DNAH11: variants seen among roughly 807,000 people sequenced by gnomAD.
DNAH11 encodes the protein dynein axonemal heavy chain 11, also known as axonemal beta dynein heavy chain 11.
In DNAH11, 442 loss-of-function variants were observed where a neutral mutation model predicts 526.0. The ratio of observed to expected loss-of-function variants is 0.84; its 90% confidence interval spans 0.78 to 0.91. The LOEUF (loss-of-function observed/expected upper bound fraction) is 0.91. Among genes scored for constraint, DNAH11 ranks in the 40% least tolerant of loss-of-function variants. The probability of loss-of-function intolerance (pLI) is 0.00; values close to 1 mark genes in which losing one functional copy is unlikely to be tolerated. For synonymous variants in DNAH11, 2,461 were observed against 1,935.9 expected (o/e 1.27, Z -7.12); for missense variants, 6,989 against 5,448.7 (o/e 1.28, Z -8.90).
intron 30 of DNAH11, among the ~76,000 whole-genome samples, chr7:21,669,418 G>A (rs1782550384): frequency 6.6e-6 from 1 of 152,190 alleles, no homozygotes; most frequent in South Asian, 2.1e-4. Flanking sequence ...TGATCCTCCT[G>A]CCTCGGCCTC....
chr7:21,800,159 C>T (rs1184159149), intron 61 of DNAH11, among the ~76,000 whole-genome samples: 1 of 152,204 alleles, frequency 6.6e-6, no homozygotes, highest in Non-Finnish European at 1.5e-5. Flanking sequence ...CATCTTGCTT[C>T]TCTTTTACAT....
At position 21,616,302 on chromosome 7, in the gene DNAH11, A is replaced by C; in HGVS notation, c.4095+10A>C. ...CAGAAGGTTTGCCAAGGCGAGTTCCATAACTGTCTATTACAACAATTTATC... is the reference window on the plus strand; with the variant it reads ...CAGAAGGTTTGCCAAGGCGAGTTCCCTAACTGTCTATTACAACAATTTATC... On this transcript the variant is annotated intron_variant, in intron 22 of 81. Transcript: ENST00000409508. 1 of 1,604,234 alleles carries C rather than the reference A, an allele frequency of 6.2e-7. No homozygotes were observed. The highest frequency in any genetic ancestry group is 8.5e-7 in the Non-Finnish European group (1 of 1,172,796).
At chr7:21,696,620 G>T (rs1017423360) in intron 35 of DNAH11, among the ~76,000 whole-genome samples, 1 of 152,084 alleles carries the variant, frequency 6.6e-6, no homozygotes, top group South Asian at 2.1e-4. Context: ...ATTTGAAATT[G>T]TCTTGTGAAT....
At chr7:21,600,564 A>T in intron 15 of DNAH11, 112 bp from the exon 16 acceptor site, 1 of 1,214,384 alleles carries the variant, frequency 8.2e-7, no homozygotes, top group Non-Finnish European at 1.1e-6. Flanking sequence ...ATGATTTTTA[A>T]TTTTTCTAAC....
At chr7:21,583,417 C>A (rs1300507251) in intron 9 of DNAH11, among the ~76,000 whole-genome samples, 6 of 152,178 alleles carry the variant, frequency 3.9e-5, no homozygotes, top group Non-Finnish European at 8.8e-5. Context: ...CTCTTCCTTA[C>A]ACCTTATAGA....
intron 12 of DNAH11, among the ~76,000 whole-genome samples, chr7:21,590,266 G>A (rs1272271622): frequency 6.6e-6 from 1 of 152,044 alleles, no homozygotes; most frequent in Admixed American, 6.6e-5. Context: ...TTAAACAAAC[G>A]ATCTCCAAGT....
intron 25 of DNAH11, among the ~76,000 whole-genome samples, chr7:21,625,548 G>A (rs1786289981): frequency 6.6e-6 from 1 of 151,818 alleles, no homozygotes; most frequent in Non-Finnish European, 1.5e-5. Flanking sequence ...ATTGATTGTG[G>A]GCTTAGTTTG....
In DNAH11 at chr7:21,868,120, T is replaced by A. The variant is rs1165044967; in HGVS notation, c.11839+113T>A. ...TCTTAGTTTCTTTTTTTTTTTTTTT[T>A]AATTTGTTGAAGATTGGGTGTATGG... On this transcript the variant is annotated intron_variant, in intron 72 of 81. Coordinates refer to ENST00000409508, the MANE Select transcript of DNAH11 (RefSeq NM_001277115.2). 11 of 1,055,142 alleles carry A rather than the reference T, an allele frequency of 1.0e-5. No individual in the cohort carries two copies. In the African/African-American group the frequency reaches 1.7e-4, roughly 16 times the overall value. The allele number at this position is 1,055,142 out of a possible 1,614,324, so 65.4% of individuals were successfully genotyped here.
chr7:21,878,124 T>A (rs1783788663), intron 74 of DNAH11, among the ~76,000 whole-genome samples: 1 of 152,200 alleles, frequency 6.6e-6, no homozygotes, highest in African/African-American at 2.4e-5. Context: ...CTGTATTTTT[T>A]AAATATTTCC....
intron 12 of DNAH11, among the ~76,000 whole-genome samples, chr7:21,589,733 C>G (rs992405388): frequency 3.9e-5 from 6 of 152,078 alleles, no homozygotes; most frequent in Non-Finnish European, 8.8e-5. Context: ...TAAATGTTAG[C>G]TCAACTGAAT....
At chr7:21,623,524 A>T (rs2128455634) in intron 25 of DNAH11, among the ~76,000 whole-genome samples, 1 of 152,324 alleles carries the variant, frequency 6.6e-6, no homozygotes, top group African/African-American at 2.4e-5. Context: ...ACGTATGTTT[A>T]TTGTGGCACT....
At chr7:21,781,392 G>A (rs978282870) in intron 57 of DNAH11, among the ~76,000 whole-genome samples, 3 of 152,192 alleles carry the variant, frequency 2.0e-5, no homozygotes, top group Non-Finnish European at 4.4e-5. Flanking sequence ...GGCATTGCCA[G>A]CAGTGACTTC....
chr7:21,650,456 A>G (rs1327104693), intron 28 of DNAH11, among the ~76,000 whole-genome samples: 1 of 151,598 alleles, frequency 6.6e-6, no homozygotes, highest in Non-Finnish European at 1.5e-5. Flanking sequence ...CAAAATTGTA[A>G]TATTCCTCTA....
chr7:21,743,878 C>T (rs1160455373), intron 49 of DNAH11, among the ~76,000 whole-genome samples: 3 of 152,182 alleles, frequency 2.0e-5, no homozygotes, highest in Non-Finnish European at 4.4e-5. Flanking sequence ...TTCTCCTGTG[C>T]ATCCAGAGTA....
At position 21,570,157 on chromosome 7, in the gene DNAH11, A is replaced by G; in HGVS notation, c.1283A>G (p.Lys428Arg). ...EKVQVAVNIL[K>R]TFKNSFFNYR... ...GTGCAGGTGGCTGTTAACATCTTAA[A>G]GACTTTCAAAAACTCCTTTTTCAAC... Residue 428 changes from lysine to arginine, a missense_variant, in exon 7 of 82, where the codon AAG becomes AGG. Lys to Arg is a conservative substitution (Grantham distance 26, BLOSUM62 2). Transcript: ENST00000409508. 6.2e-7 allele frequency: 1 copy of G among 1,613,482 alleles called. No individual in the cohort carries two copies. The highest frequency in any genetic ancestry group is 8.5e-7 in the Non-Finnish European group (1 of 1,179,702).
chr7:21,777,565 G>A (rs765198505), intron 56 of DNAH11, among the ~76,000 whole-genome samples: 64 of 152,190 alleles, frequency 4.2e-4, no homozygotes, highest in Non-Finnish European at 6.8e-4. Context: ...TTCTCAGCTC[G>A]CTTGCAATAA....
chr7:21,865,965 A>T (rs1034936021), intron 70 of DNAH11, among the ~76,000 whole-genome samples: 2 of 152,188 alleles, frequency 1.3e-5, no homozygotes, highest in African/African-American at 4.8e-5. Flanking sequence ...CAGTGAGGAC[A>T]ACCAGAGGTC....
rs925355711 is a variant in DNAH11, at chr7:21,667,197, A to G, written c.5328+8166A>G. 5.9e-5 allele frequency among the ~76,000 whole-genome samples: 9 copies of G among 152,094 alleles called. No individual in the cohort carries two copies. The South Asian group carries it at 1.2e-3, about 21-fold the overall frequency. On this transcript the variant is annotated intron_variant, in intron 30 of 81. Transcript: ENST00000409508. Reference sequence around the variant, plus strand: ...TCTCCCCTGTATATCCCAAGAGGCTATTAGTGGAGGTGTTTGTCCCCAGTA... The same window carrying G: ...TCTCCCCTGTATATCCCAAGAGGCTGTTAGTGGAGGTGTTTGTCCCCAGTA...
chr7:21,898,745 G>T (rs991406136), intron 79 of DNAH11, among the ~76,000 whole-genome samples: 5 of 152,186 alleles, frequency 3.3e-5, no homozygotes, highest in South Asian at 2.1e-4. Flanking sequence ...GAACATGTAC[G>T]TAACAGCAGC....
Sources: allele counts gnomAD v4.1 joint callset (sites outside exome capture counted in the v4.1 genomes callset), GRCh38; gene constraint gnomAD v4.1.1; transcripts MANE v1.5; gene names NCBI Gene and HGNC (gene_info 2026-07-23, HGNC 2026-07-21).